The following PDK1 variants were observed in gnomAD, a reference collection of about 807,000 sequenced individuals.
PDK1 encodes the protein [Pyruvate dehydrogenase (acetyl-transferring)] kinase isozyme 1, mitochondrial.
Under a neutral mutation model 54.2 loss-of-function variants are expected in PDK1, and 39 were observed. That is an observed-to-expected ratio of 0.72 (90% CI 0.56 to 0.94). The LOEUF (loss-of-function observed/expected upper bound fraction) is 0.94, where lower values mean the gene tolerates loss of function less well. Among genes scored for constraint, PDK1 ranks in the 40% least tolerant of loss-of-function variants. The pLI is 0.00. For missense variants in PDK1, 552 were observed against 566.0 expected (o/e 0.98, Z 0.25); for synonymous variants, 221 against 207.1 (o/e 1.07, Z -0.58).
At chr2:172,628,965 A>G in the PDK1 span, among the ~76,000 whole-genome samples, 1 of 152,116 alleles carries the variant, frequency 6.6e-6, no homozygotes, top group East Asian at 1.9e-4. Flanking sequence ...CCAAACATAA[A>G]AATAAAAAAT....
In PDK1 at chr2:172,556,216, C is replaced by G; in HGVS notation, c.66C>G (p.Ala22=). 7.0e-7 allele frequency: 1 copy of G among 1,423,024 alleles called. No individual in the cohort carries two copies. The allele number at this position is 1,423,024 out of a possible 1,614,324, so 88.1% of individuals were successfully genotyped here. ...GCCCGGGCCCGGGGCTGCGCGCCGCCGGCTTCAGCCGCAGCTTCAGCTCGG... is the reference window on the plus strand; with the variant it reads ...GCCCGGGCCCGGGGCTGCGCGCCGCGGGCTTCAGCCGCAGCTTCAGCTCGG... ...LAGPGPGLRA[A]GFSRSFSSDS... The change falls in exon 1 of 11, where the codon GCC becomes GCG. Residue 22 remains alanine (A), a synonymous_variant. Coordinates refer to ENST00000282077, the MANE Select transcript of PDK1 (RefSeq NM_002610.5).
the PDK1 span, among the ~76,000 whole-genome samples, chr2:172,718,342 G>A: frequency 6.6e-6 from 1 of 152,100 alleles, no homozygotes; most frequent in South Asian, 2.1e-4. Flanking sequence ...ATTATGAAAG[G>A]AAGGCAAAGT....
chr2:172,694,802 G>T, the PDK1 span, among the ~76,000 whole-genome samples: 109 of 152,224 alleles, frequency 7.2e-4, no homozygotes, highest in South Asian at 1.7e-3. Context: ...TTTAATATTA[G>T]AAGTGTTTTA....
rs2149303579 is a variant in PDK1 at position 172,596,043 on chromosome 2, A to G, written c.*74A>G. 1 of 1,251,932 alleles carries G rather than the reference A, an allele frequency of 8.0e-7. No homozygotes were observed. The highest frequency in any genetic ancestry group is 1.5e-5 in the African/African-American group (1 of 66,708). The allele number at this position is 1,251,932 out of a possible 1,614,324, so 77.6% of individuals were successfully genotyped here. ...TGGAAGGTATGGTGTTCAGAACTAT[A>G]TTATACCAAGTACTTTATTTATCGT... On this transcript the variant is annotated 3_prime_UTR_variant, in exon 11 of 11. Coordinates refer to ENST00000282077, the MANE Select transcript of PDK1 (RefSeq NM_002610.5).
chr2:172,634,153 C>T, the PDK1 span, among the ~76,000 whole-genome samples: 1 of 151,306 alleles, frequency 6.6e-6, no homozygotes, highest in Non-Finnish European at 1.5e-5. Flanking sequence ...GCTGGGATTA[C>T]AGGCGTGAGC....
rs1023615002 is a variant in PDK1, at chr2:172,596,208, T to C, written c.*239T>C. 2.1e-5 allele frequency: 7 copies of C among 326,230 alleles called. No homozygotes were observed. In the Admixed American group the frequency reaches 3.1e-4, roughly 14 times the overall value. 20.2% of individuals were successfully genotyped at this position (326,230 alleles called of 1,614,324 possible). On this transcript the variant is annotated 3_prime_UTR_variant, in exon 11 of 11. Coordinates refer to ENST00000282077, the MANE Select transcript of PDK1 (RefSeq NM_002610.5). ...AACATATTTTTAAACAACTGTAGTT[T>C]TGGGCAACTTTTCACTTTGTGGTAG... is the stretch of plus-strand genomic sequence containing the variant.
chr2:172,558,617 C>A, intron 1 of PDK1, 91 bp from the exon 2 acceptor site: 3 of 1,178,684 alleles, frequency 2.5e-6, no homozygotes, highest in East Asian at 2.5e-5. Flanking sequence ...CTGGCCTTGC[C>A]GGATAACTTC....
intron 8 of PDK1, among the ~76,000 whole-genome samples, chr2:172,576,093 A>G (rs1689567620): frequency 6.6e-6 from 1 of 151,790 alleles, no homozygotes; most frequent in Non-Finnish European, 1.5e-5. Flanking sequence ...ATGCCTGGCT[A>G]ATTTTTGTAT....
intron 8 of PDK1, among the ~76,000 whole-genome samples, chr2:172,576,091 C>T (rs1689567460): frequency 1.3e-5 from 2 of 151,952 alleles, no homozygotes; most frequent in African/African-American, 4.8e-5. Flanking sequence ...CCATGCCTGG[C>T]TAATTTTTGT....
chr2:172,585,578 T>G (rs1690178006), intron 8 of PDK1, among the ~76,000 whole-genome samples: 1 of 152,050 alleles, frequency 6.6e-6, no homozygotes, highest in South Asian at 2.1e-4. Context: ...CACCCATCTC[T>G]GCCTTCCAAA....
chr2:172,659,402 A>G, the PDK1 span, among the ~76,000 whole-genome samples: 22,572 of 152,122 alleles, frequency 0.15, 2,938 homozygotes, highest in East Asian at 0.53. Context: ...CATTCAGTAT[A>G]TAAGTGTTCA....
chr2:172,660,453 C>T, the PDK1 span, among the ~76,000 whole-genome samples: 28 of 151,328 alleles, frequency 1.9e-4, no homozygotes, highest in Admixed American at 8.6e-4. Flanking sequence ...AGACAGGTTC[C>T]ACCATGTTGC....
chr2:172,558,136 TTTTAA>T (rs771573061), intron 1 of PDK1: 5 of 152,242 alleles, frequency 3.3e-5, no homozygotes, highest in Non-Finnish European at 7.3e-5. Flanking sequence ...GGCCTCCTGT[TTTTAA>T]TTTATTTTTT....
the PDK1 span, among the ~76,000 whole-genome samples, chr2:172,712,780 G>C: frequency 3.3e-5 from 5 of 152,226 alleles, no homozygotes; most frequent in Non-Finnish European, 5.9e-5. Flanking sequence ...GCAAGCAGGG[G>C]TGGAGGGTGT....
At chr2:172,676,281 G>A in the PDK1 span, among the ~76,000 whole-genome samples, 2 of 152,070 alleles carry the variant, frequency 1.3e-5, no homozygotes, top group Non-Finnish European at 2.9e-5. Flanking sequence ...ATTTTGTAAG[G>A]CTGTAGCTGC....
chr2:172,643,927 C>T, the PDK1 span, among the ~76,000 whole-genome samples: 1 of 152,212 alleles, frequency 6.6e-6, no homozygotes, highest in Non-Finnish European at 1.5e-5. Context: ...AGCATTCTTG[C>T]CCCCAGGCCC....
Position 172,592,178 on chromosome 2 carries a change from C to G in PDK1, c.1057-757C>G, listed in dbSNP as rs144074102. On this transcript the variant is annotated intron_variant, in intron 9 of 10. Transcript: ENST00000282077. ...GCTATGCCCTTGTTTACACTGACAA[C>G]AAGGTGGTATTGGAGTGTTATAGGG... Among the ~76,000 whole-genome samples, 467 of 152,314 alleles carry G rather than the reference C, an allele frequency of 3.1e-3. 3 individuals are homozygous for G. The highest frequency in any genetic ancestry group is 0.011 in the African/African-American group (453 of 41,558).
intron 3 of PDK1, among the ~76,000 whole-genome samples, chr2:172,563,687 G>A (rs142561566): frequency 0.021 from 3,197 of 152,150 alleles, 102 homozygotes; most frequent in African/African-American, 0.074. Flanking sequence ...TACAAAATTA[G>A]CCAGGCATCA....
chr2:172,644,741 G>A, the PDK1 span, among the ~76,000 whole-genome samples: 1 of 152,254 alleles, frequency 6.6e-6, no homozygotes, highest in Non-Finnish European at 1.5e-5. Flanking sequence ...GACTGCTTTC[G>A]AATCATCTGG....
Sources: gnomAD v4.1 joint callset for allele counts (sites outside exome capture counted in the v4.1 genomes callset) on GRCh38, gnomAD v4.1.1 for gene constraint, MANE v1.5 for transcripts, NCBI Gene and HGNC (gene_info 2026-07-23, HGNC 2026-07-21) for gene names.